The following PSME4 variants were observed in gnomAD, a reference collection of about 807,000 sequenced individuals.
PSME4 encodes the protein proteasome activator subunit 4.
Under a neutral mutation model 253.9 loss-of-function variants are expected in PSME4, and 89 were observed. The ratio of observed to expected loss-of-function variants is 0.35; its 90% CI spans 0.30 to 0.42. The LOEUF (loss-of-function observed/expected upper bound fraction) is 0.42. Ranked by LOEUF, PSME4 falls within the 10% of genes least tolerant of loss-of-function variation. The pLI is 1.00. For missense variants in PSME4, 2,014 were observed against 2,195.2 expected (o/e 0.92, Z 1.65); for synonymous variants, 851 against 759.2 (o/e 1.12, Z -1.99).
intron 5 of PSME4, 51 bp downstream of exon 5, chr2:53,937,340 C>T (rs1398080332): frequency 7.0e-7 from 1 of 1,432,398 alleles, no homozygotes. Flanking sequence ...GTTTCTTTAT[C>T]TGTATTTCCT....
At chr2:53,892,265 G>A (rs1166707202) in intron 36 of PSME4, among the ~76,000 whole-genome samples, 1 of 152,122 alleles carries the variant, frequency 6.6e-6, no homozygotes, top group East Asian at 1.9e-4. Flanking sequence ...CATTTGACCA[G>A]GTTATTTTTA....
At chr2:53,923,899 G>T (rs1668439715) in intron 14 of PSME4, among the ~76,000 whole-genome samples, 1 of 130,278 alleles carries the variant, frequency 7.7e-6, no homozygotes, top group African/African-American at 3.0e-5. Context: ...CTCCAGCCCA[G>T]GTGACAGAGT....
chr2:53,883,372 T>C lies in PSME4; in HGVS notation c.4815+2318A>G, dbSNP rs183322842. Among the ~76,000 whole-genome samples, 95 of 152,246 alleles carry C rather than the reference T, an allele frequency of 6.2e-4. 1 individual carries two copies. Among genetic ancestry groups the C allele is most frequent in the Non-Finnish European group, 1.2e-3 (81 of 68,022 alleles). ...AAAATTAGCCAGGCATGGTGATGCA[T>C]GCCCGTAGTCCCAGCTACTCAGGGG... On this transcript the variant is annotated intron_variant, in intron 41 of 46. Coordinates refer to ENST00000404125, the MANE Select transcript of PSME4 (RefSeq NM_014614.3).
At chr2:53,947,949 G>T (rs563976892) in intron 3 of PSME4, among the ~76,000 whole-genome samples, 1 of 151,938 alleles carries the variant, frequency 6.6e-6, no homozygotes, top group Non-Finnish European at 1.5e-5. Flanking sequence ...CCGGGAAGTG[G>T]AGGTTGCAGT....
chr2:53,951,330 C>A (rs563333129), intron 1 of PSME4, among the ~76,000 whole-genome samples: 6 of 152,326 alleles, frequency 3.9e-5, no homozygotes, highest in Non-Finnish European at 8.8e-5. Context: ...ATCCCCCCTG[C>A]CTTGGCCTCC....
At chr2:53,895,480 T>C (rs992164434) in intron 33 of PSME4, 103 bp downstream of exon 33, 2 of 1,160,220 alleles carry the variant, frequency 1.7e-6, no homozygotes, top group African/African-American at 1.6e-5. Flanking sequence ...AGGGGAAAGA[T>C]AAAAGAACCT....
chr2:53,874,257 G>A, intron 43 of PSME4, 82 bp downstream of exon 43: 2 of 1,360,668 alleles, frequency 1.5e-6, no homozygotes, highest in Non-Finnish European at 2.0e-6. Flanking sequence ...ATTGCACCTG[G>A]CCGCAAATAC....
chr2:53,882,442 C>T (rs1275475846), intron 41 of PSME4, among the ~76,000 whole-genome samples: 1 of 152,164 alleles, frequency 6.6e-6, no homozygotes, highest in Non-Finnish European at 1.5e-5. Flanking sequence ...GACTCAGCCA[C>T]CCACTCCTCA....
chr2:53,933,994 C>T (rs1377414012), intron 8 of PSME4, among the ~76,000 whole-genome samples: 1 of 152,092 alleles, frequency 6.6e-6, no homozygotes, highest in African/African-American at 2.4e-5. Context: ...TCCACAGAAA[C>T]AAGCTAACGT....
intron 18 of PSME4, among the ~76,000 whole-genome samples, chr2:53,920,620 G>A (rs1668271544): frequency 6.6e-6 from 1 of 152,124 alleles, no homozygotes; most frequent in Non-Finnish European, 1.5e-5. Context: ...GAGTTTAAGT[G>A]AGGCTTAGTT....
intron 19 of PSME4, 151 bp downstream of exon 19, chr2:53,920,042 A>T: frequency 1.4e-6 from 1 of 717,926 alleles, no homozygotes; most frequent in Non-Finnish European, 2.1e-6. Context: ...TTTCTGTTAT[A>T]CAACATTATA....
intron 1 of PSME4, among the ~76,000 whole-genome samples, chr2:53,951,099 C>A (rs1268036678): frequency 6.6e-6 from 1 of 151,876 alleles, no homozygotes; most frequent in Non-Finnish European, 1.5e-5. Context: ...TTTTTTCCCC[C>A]CAAGACACAG....
chr2:53,925,505 G>C (rs1334231773), intron 14 of PSME4, 34 bp downstream of exon 14: 4 of 1,473,024 alleles, frequency 2.7e-6, no homozygotes, highest in Non-Finnish European at 3.7e-6. Context: ...AAACTTAAAA[G>C]CTGGAAGTTT....
chr2:53,952,202 G>A lies in PSME4; in HGVS notation c.243-2919C>T, dbSNP rs369233333. ...TGTAATCCCAGCACTTTGGGAGGCC[G>A]AGGTGGGCAGATCACGTGAGATTAG... On this transcript the variant is annotated intron_variant, in intron 1 of 46. Coordinates refer to ENST00000404125, the MANE Select transcript of PSME4 (RefSeq NM_014614.3). Among the ~76,000 whole-genome samples, 118 of 152,144 alleles carry A rather than the reference G, an allele frequency of 7.8e-4. 1 individual carries two copies. In the South Asian group the frequency reaches 0.021, roughly 28 times the overall value.
rs1558660389 is a variant in PSME4, at chr2:53,895,684, A to G, written c.3741T>C (p.His1247=). ...TAGTTTTGCTGTCATAATGCAACCA[A>G]TGATTATCAGGCCTATCACCAGCAA... The part of the protein sequence containing the change: ...QIIAGDRPDN[H]WLHYDSKTIP... The change falls in exon 33 of 47, where the codon CAT becomes CAC. Residue 1247 remains histidine, a synonymous_variant. Coordinates refer to ENST00000404125, the MANE Select transcript of PSME4 (RefSeq NM_014614.3). 6.2e-7 allele frequency: 1 copy of G among 1,613,336 alleles called. No homozygotes were observed. The highest frequency in any genetic ancestry group is 8.5e-7 in the Non-Finnish European group (1 of 1,179,630).
Position 53,901,487 on chromosome 2 carries a change from C to A in PSME4, c.3148G>T (p.Val1050Leu). ...LANLHDWDCIVQTWPAIVSSG... is the reference protein window; with the variant it reads ...LANLHDWDCILQTWPAIVSSG... ...GAAACAATCGCTGGCCACGTCTGTA[C>A]AATACAGTCCCAATCATGAAGGTTT... Residue 1050 changes from valine to leucine, a missense_variant, in exon 28 of 47, where the codon GTA becomes TTA. Around this residue, in one of 4 missense-constraint regions of PSME4, gnomAD observed 989 missense variants for 1,021.1 expected, o/e 0.97. Coordinates refer to ENST00000404125, the MANE Select transcript of PSME4 (RefSeq NM_014614.3). 6.2e-7 allele frequency: 1 copy of A among 1,614,012 alleles called. No individual in the cohort carries two copies. Among genetic ancestry groups the A allele is most frequent in the East Asian group, 2.2e-5 (1 of 44,874 alleles).
chr2:53,932,984 A>C (rs1668913217), intron 8 of PSME4: 2 of 465,154 alleles, frequency 4.3e-6, no homozygotes, highest in Non-Finnish European at 3.9e-6. Flanking sequence ...ACTTGAACCA[A>C]CATAAAAAAC....
chr2:53,878,514 G>C (rs1009209103), intron 41 of PSME4, among the ~76,000 whole-genome samples: 2 of 152,198 alleles, frequency 1.3e-5, no homozygotes, highest in Non-Finnish European at 2.9e-5. Context: ...GTGGAACAGA[G>C]CCATATTTCT....
At chr2:53,898,047 G>T in intron 30 of PSME4, 48 bp from the exon 31 acceptor site, 1 of 1,554,094 alleles carries the variant, frequency 6.4e-7, no homozygotes, top group Non-Finnish European at 8.7e-7. Context: ...AAAACCACTT[G>T]GAAAAAAAAA....
Sources: allele counts gnomAD v4.1 joint callset (sites outside exome capture counted in the v4.1 genomes callset), GRCh38; gene constraint gnomAD v4.1.1; regional missense constraint gnomAD v4.1.1; transcripts MANE v1.5; gene names NCBI Gene and HGNC (gene_info 2026-07-23, HGNC 2026-07-21).